The following CORO7 variants were observed in gnomAD, a reference collection of about 807,000 sequenced individuals.
The protein encoded by CORO7 is coronin-7.
CORO7 carries 107 observed loss-of-function variants against 126.6 expected under a neutral mutation model. The ratio of observed to expected loss-of-function variants is 0.85; its 90% CI spans 0.72 to 0.99. The LOEUF (loss-of-function observed/expected upper bound fraction) is 0.99, where lower values mean the gene tolerates loss of function less well. Among genes scored for constraint, CORO7 ranks in the 50% least tolerant of loss-of-function variants. The pLI is 0.00. For synonymous variants in CORO7, 603 were observed against 536.8 expected (o/e 1.12, Z -1.70); for missense variants, 1,314 against 1,255.8 (o/e 1.05, Z -0.70).
intron 6 of CORO7, among the ~76,000 whole-genome samples, chr16:4,401,641 A>G (rs1220884946): frequency 6.6e-6 from 1 of 152,236 alleles, no homozygotes; most frequent in Non-Finnish European, 1.5e-5. Context: ...AGAGTGGGAC[A>G]GAAACAGAGC....
At chr16:4,378,928 C>T (rs1296317577) in intron 9 of CORO7, among the ~76,000 whole-genome samples, 1 of 152,024 alleles carries the variant, frequency 6.6e-6, no homozygotes, top group Non-Finnish European at 1.5e-5. Flanking sequence ...TCTGGCAGTG[C>T]GATACTACAC....
intron 5 of CORO7, among the ~76,000 whole-genome samples, chr16:4,405,942 C>T (rs1227107041): frequency 6.6e-6 from 1 of 152,220 alleles, no homozygotes; most frequent in Non-Finnish European, 1.5e-5. Flanking sequence ...AAATACTTCT[C>T]TACATTCTCT....
chr16:4,404,014 C>T (rs1390478811), intron 6 of CORO7, among the ~76,000 whole-genome samples: 1 of 152,188 alleles, frequency 6.6e-6, no homozygotes, highest in East Asian at 1.9e-4. Context: ...CCTTATTGGC[C>T]CCCAGAGCTT....
chr16:4,416,411 C>A, intron 1 of CORO7, 48 bp downstream of exon 1: 1 of 1,512,362 alleles, frequency 6.6e-7, no homozygotes, highest in Admixed American at 2.3e-5. Flanking sequence ...GGAGGGGCAG[C>A]CGGACGGGGC....
chr16:4,387,904 C>T (rs1300883421), intron 9 of CORO7, 82 bp downstream of exon 9: 9 of 1,559,960 alleles, frequency 5.8e-6, no homozygotes, highest in Non-Finnish European at 4.4e-6. Context: ...GCCCGCCTCA[C>T]TGACAGGCCG....
intron 6 of CORO7, among the ~76,000 whole-genome samples, chr16:4,402,730 G>A (rs570078664): frequency 6.6e-6 from 1 of 152,214 alleles, no homozygotes; most frequent in East Asian, 1.9e-4. Context: ...CTCTGGCTCA[G>A]CGGAGAGGAA....
intron 9 of CORO7, among the ~76,000 whole-genome samples, chr16:4,383,737 G>A (rs1284379989): frequency 6.6e-6 from 1 of 152,226 alleles, no homozygotes; most frequent in Non-Finnish European, 1.5e-5. Flanking sequence ...GGACAAGAAC[G>A]GGTCAGGGAG....
intron 7 of CORO7, among the ~76,000 whole-genome samples, chr16:4,394,298 A>G (rs2055500336): frequency 6.6e-6 from 1 of 151,562 alleles, no homozygotes; most frequent in African/African-American, 2.4e-5. Flanking sequence ...ACAAAAACAA[A>G]AATAGCCGGG....
At chr16:4,363,381 A>G (rs2054246120) in intron 14 of CORO7, among the ~76,000 whole-genome samples, 1 of 150,258 alleles carries the variant, frequency 6.7e-6, no homozygotes, top group Non-Finnish European at 1.5e-5. Flanking sequence ...CCTGGCCAAC[A>G]TGGTGAAAAC....
intron 1 of CORO7, 152 bp from the exon 2 acceptor site, chr16:4,413,556 GAGAC>G: frequency 1.5e-6 from 1 of 680,962 alleles, no homozygotes; most frequent in East Asian, 3.1e-5. Context: ...TTTTCTTTTT[GAGAC>G]AGGGTCTCAC....
At chr16:4,364,458 G>A (rs766439293) in intron 13 of CORO7, 45 bp from the exon 14 acceptor site, 33 of 1,478,766 alleles carry the variant, frequency 2.2e-5, no homozygotes, top group Non-Finnish European at 2.8e-5. Context: ...TGGGCTGCCC[G>A]GTCAGGAGGG....
Position 4,358,009 on chromosome 16 carries a change from T to C in CORO7, c.2552A>G (p.Gln851Arg), listed in dbSNP as rs2054035069. The C allele has an allele frequency of 6.2e-7, 1 of 1,612,014 alleles. No homozygotes were observed. Among genetic ancestry groups the C allele is most frequent in the Admixed American group, 1.7e-5 (1 of 59,998 alleles). Reference sequence around the variant, plus strand: ...AGGCTGCAGGCTGAGAAGCCAGGGCTGCCCATTAGCGCCTTGCAGCCAGGC... The same window carrying C: ...AGGCTGCAGGCTGAGAAGCCAGGGCCGCCCATTAGCGCCTTGCAGCCAGGC... Reference protein sequence around the residue: ...AEAWLQGANGQPWLLSLQPPD... With the variant: ...AEAWLQGANGRPWLLSLQPPD... Residue 851 changes from glutamine (Q) to arginine (R), a missense_variant, in exon 25 of 28, where the codon CAG becomes CGG. Physicochemically the swap from Gln to Arg is conservative, Grantham distance 43. Transcript: ENST00000251166.
At chr16:4,372,166 T>A (rs2054558104) in intron 9 of CORO7, among the ~76,000 whole-genome samples, 1 of 151,444 alleles carries the variant, frequency 6.6e-6, no homozygotes, top group Non-Finnish European at 1.5e-5. Context: ...GTACGCTCCC[T>A]CCCCCGCCGT....
chr16:4,406,818 T>C lies in CORO7; in HGVS notation c.487+683A>G, dbSNP rs1222204604. Among the ~76,000 whole-genome samples the C allele has an allele frequency of 2.6e-5, 4 of 151,944 alleles. No homozygotes were observed. The East Asian group carries it at 7.8e-4, about 29-fold the overall frequency. On this transcript the variant is annotated intron_variant, in intron 5 of 27. Transcript: ENST00000251166. Reference sequence around the variant, plus strand: ...CCACACCCAGCTAAGTTTTTGTATTTTTAGTAGAGACGCGGTTTCACTATG... The same window carrying C: ...CCACACCCAGCTAAGTTTTTGTATTCTTAGTAGAGACGCGGTTTCACTATG...
intron 19 of CORO7, 110 bp downstream of exon 19, chr16:4,360,833 C>T: frequency 1.3e-6 from 2 of 1,520,500 alleles, no homozygotes; most frequent in Middle Eastern, 2.3e-4. Flanking sequence ...CGCTGCTGGT[C>T]CTGCCTCTCC....
Position 4,416,562 on chromosome 16 carries a change from G to A in CORO7, c.-44C>T, listed in dbSNP as rs769580586. 1.3e-6 allele frequency: 2 copies of A among 1,569,986 alleles called. No individual in the cohort carries two copies. The highest frequency in any genetic ancestry group is 1.2e-5 in the South Asian group (1 of 86,840). The stretch of plus-strand genomic sequence containing the variant: ...GGACGCGTCTTCGAGGACCCCGGGC[G>A]TCGGGTCTCAGGTGCACGCTGAGCA... On this transcript the variant is annotated 5_prime_UTR_variant, in exon 1 of 28. It adds an upstream start codon to the 5' untranslated region. Transcript: ENST00000251166.
In CORO7 at chr16:4,357,752, C is replaced by CGT. The variant is rs143712921; in HGVS notation, c.2593+214_2593+215dup. 0.013 allele frequency: 9,259 copies of CGT among 695,652 alleles called. 505 individuals are homozygous for CGT. In the African/African-American group the frequency reaches 0.13, roughly 10 times the overall value. The allele number at this position is 695,652 out of a possible 1,614,324, so 43.1% of individuals were successfully genotyped here. Reference sequence around the variant, plus strand: ...CCTGCCCTAGACACCACAGTGTGTGCGTGTGTGTGTGTGTTAGGGGTGGGG... The same window carrying CGT: ...CCTGCCCTAGACACCACAGTGTGTGCGTGTGTGTGTGTGTGTTAGGGGTGGGG... On this transcript the variant is annotated intron_variant, in intron 25 of 27. Transcript: ENST00000251166.
rs775449844 is a variant in CORO7, at chr16:4,382,642, G to A, written c.785+5344C>T. On this transcript the variant is annotated intron_variant, in intron 9 of 27. Coordinates refer to ENST00000251166, the MANE Select transcript of CORO7 (RefSeq NM_024535.5). ...CGCCCTGGCCGCGGTGCTCCTGGCCGCGCTGGCTGCGGTGGGGGCAGCCTA... is the reference window on the plus strand; with the variant it reads ...CGCCCTGGCCGCGGTGCTCCTGGCCACGCTGGCTGCGGTGGGGGCAGCCTA... 49 of 1,557,152 alleles carry A rather than the reference G, an allele frequency of 3.1e-5. No homozygotes were observed. Among genetic ancestry groups the A allele is most frequent in the East Asian group, 7.2e-5 (3 of 41,508 alleles).
At chr16:4,414,824 T>G (rs570509370) in intron 1 of CORO7, among the ~76,000 whole-genome samples, 1 of 152,294 alleles carries the variant, frequency 6.6e-6, no homozygotes, top group Non-Finnish European at 1.5e-5. Context: ...CCGGCTGTCT[T>G]GATGCAAACC....
Sources: gnomAD v4.1 joint callset for allele counts (sites outside exome capture counted in the v4.1 genomes callset) on GRCh38, gnomAD v4.1.1 for gene constraint, MANE v1.5 for transcripts, NCBI Gene and HGNC (gene_info 2026-07-23, HGNC 2026-07-21) for gene names.